The following MCF2 variants were observed in gnomAD, a reference collection of about 807,000 sequenced individuals.
The protein encoded by MCF2 is MCF.2 cell line derived transforming sequence, also known as proto-oncogene DBL.
MCF2 carries 44 observed loss-of-function variants against 82.5 expected under a neutral mutation model. The observed-to-expected ratio is 0.53, with a 90% CI of 0.42 to 0.69. The LOEUF (loss-of-function observed/expected upper bound fraction) is 0.69. Ranked by LOEUF, MCF2 falls within the 30% of genes least tolerant of loss-of-function variation. MCF2 has a pLI of 0.00. For missense variants in MCF2, 623 were observed against 663.1 expected, an observed-to-expected ratio of 0.94 and a Z score of 0.66; for synonymous variants, 217 against 224.9, an observed-to-expected ratio of 0.96 and a Z score of 0.32.
intron 2 of MCF2, among the ~76,000 whole-genome samples, chrX:139,649,427 A>G (rs1364165744): frequency 5.4e-5 from 6 of 111,819 alleles, no homozygotes; most frequent in Non-Finnish European, 1.1e-4. Context: ...AATATAAATG[A>G]TATGTAATAT....
Position 139,641,544 on chromosome X carries a change from A to AT in MCF2, c.51+923dup, listed in dbSNP as rs1212356051. ...TATCATAATTTTAATTCAAACTGTC[A>AT]TTTTTTTCCTATGGTCAATTTTTAC... On this transcript the variant is annotated intron_variant, in intron 1 of 24. Transcript: ENST00000370576. 5.4e-5 allele frequency among the ~76,000 whole-genome samples: 6 copies of AT among 110,233 alleles called. No homozygotes were observed. In the South Asian group the frequency reaches 1.1e-3, roughly 21 times the overall value.
intron 1 of MCF2, chrX:139,691,971 A>T (rs1569404131): frequency 8.6e-7 from 1 of 1,166,604 alleles, no homozygotes; most frequent in East Asian, 3.3e-5. Flanking sequence ...CTTCTCGGCA[A>T]TCCTCACGCG....
intron 8 of MCF2, 88 bp downstream of exon 11, chrX:139,617,425 G>T: frequency 1.5e-6 from 1 of 660,884 alleles, no homozygotes. Flanking sequence ...TATTCCATGC[G>T]ACAGGAGGGC....
At position 139,594,405 on chromosome X, in the gene MCF2, A is replaced by C. The variant is rs371020680; in HGVS notation, c.2277+2144T>G. ...ATAGATCAATGGAACAGAACAGAGC[A>C]CTCAGAAATAATGCCGCATATCTAC... is the stretch of plus-strand genomic sequence containing the variant. On this transcript the variant is annotated intron_variant, in intron 19 of 24. Coordinates refer to ENST00000370576, the Ensembl canonical transcript of MCF2. Among the ~76,000 whole-genome samples, 229 of 110,885 alleles carry C rather than the reference A, an allele frequency of 2.1e-3. 3 individuals are homozygous for C. Among genetic ancestry groups the C allele is most frequent in the African/African-American group, 6.9e-3 (210 of 30,360 alleles).
intron 6 of MCF2, among the ~76,000 whole-genome samples, chrX:139,622,812 C>T (rs1932502958): frequency 9.1e-6 from 1 of 109,996 alleles, no homozygotes; most frequent in South Asian, 4.0e-4. Context: ...AGCACACCAA[C>T]ATGGCACATG....
At chrX:139,656,749 C>T (rs1934213109) in intron 1 of MCF2, among the ~76,000 whole-genome samples, 1 of 112,042 alleles carries the variant, frequency 8.9e-6, no homozygotes, top group Admixed American at 9.5e-5. Context: ...CTGACCCTCT[C>T]GAATTTCCAC....
At chrX:139,602,280 T>A in intron 16 of MCF2, 126 bp downstream of exon 20, 1 of 533,127 alleles carries the variant, frequency 1.9e-6, no homozygotes, top group East Asian at 3.7e-5. Flanking sequence ...GAGGGTGGAT[T>A]TGCTCTTTAA....
intron 20 of MCF2, among the ~76,000 whole-genome samples, 158 bp from the exon 25 acceptor site, chrX:139,588,596 A>C (rs1182024778): frequency 1.8e-5 from 2 of 111,163 alleles, no homozygotes; most frequent in Non-Finnish European, 3.8e-5. Context: ...AATTTTTATG[A>C]AGCAAATAAT....
intron 19 of MCF2, among the ~76,000 whole-genome samples, chrX:139,595,369 C>T (rs1464170495): frequency 1.8e-5 from 2 of 109,653 alleles, no homozygotes; most frequent in African/African-American, 3.3e-5. Flanking sequence ...AAATGTGGCA[C>T]ATATACACCA....
At position 139,653,096 on chromosome X, in the gene MCF2, C is replaced by G. The variant is rs1019062661; in HGVS notation, c.-44-1308G>C. On this transcript the variant is annotated intron_variant, in intron 1 of 27. Transcript: ENST00000414978. ...TATTTAGACTCGATATATTTCAGAT[C>G]AAGGCATGCACATTTACACTCGCAG... Among the ~76,000 whole-genome samples, 4 of 111,721 alleles carry G rather than the reference C, an allele frequency of 3.6e-5. No homozygotes were observed. The East Asian group carries it at 1.1e-3, about 31-fold the overall frequency.
intron 19 of MCF2, among the ~76,000 whole-genome samples, chrX:139,595,373 T>A (rs1929967918): frequency 9.1e-6 from 1 of 109,608 alleles, no homozygotes; most frequent in African/African-American, 3.3e-5. Flanking sequence ...GTGGCACATA[T>A]ACACCATGGA....
exon 10 of MCF2, chrX:139,614,971 C>T (rs780816942): frequency 2.3e-5 from 28 of 1,209,470 alleles, no homozygotes; most frequent in Non-Finnish European, 2.9e-5. Context: ...TGCTTATCTG[C>T]CAGGTTCCTG....
At chrX:139,653,263 A>G (rs1603301025) in intron 1 of MCF2, among the ~76,000 whole-genome samples, 1 of 112,057 alleles carries the variant, frequency 8.9e-6, no homozygotes, top group East Asian at 2.8e-4. Context: ...ATACAAGAAC[A>G]CTTTCTCCCC....
chrX:139,586,404 G>T (rs764275180), exon 23 of MCF2: 1 of 1,208,331 alleles, frequency 8.3e-7, no homozygotes, highest in South Asian at 1.8e-5. Flanking sequence ...CTGAACTGAC[G>T]CAATTGCCTC....
At chrX:139,601,300 A>C (rs1930539510) in intron 16 of MCF2, among the ~76,000 whole-genome samples, 1 of 111,519 alleles carries the variant, frequency 9.0e-6, no homozygotes, top group African/African-American at 3.3e-5. Flanking sequence ...ATAATGGATA[A>C]AAATAGTGCC....
In MCF2 at chrX:139,674,888, A is replaced by G. The variant is rs772895116; in HGVS notation, c.-44-23100T>C. Among the ~76,000 whole-genome samples, 11 of 112,101 alleles carry G rather than the reference A, an allele frequency of 9.8e-5. No homozygotes were observed. In the South Asian group the frequency reaches 3.7e-3, roughly 38 times the overall value. ...TTGGCCTGCCTTGCTAGGTTGGGGA[A>G]GTTCTCCTGGATAATATCCCGAAGA... On this transcript the variant is annotated intron_variant, in intron 1 of 27. Coordinates refer to the MCF2 transcript ENST00000414978.
intron 1 of MCF2, 31 bp from the exon 2 acceptor site, chrX:139,651,819 T>C: frequency 3.3e-6 from 3 of 917,577 alleles, no homozygotes; most frequent in Non-Finnish European, 3.1e-6. Flanking sequence ...AGAAATGACA[T>C]ACATGTTAAG....
At chrX:139,626,657 G>A (rs377492032) in exon 5 of MCF2, 9 of 1,208,656 alleles carry the variant, frequency 7.4e-6, no homozygotes, top group South Asian at 5.3e-5. Flanking sequence ...CTTATTTGCC[G>A]ATGACATTCT....
At chrX:139,662,518 A>G (rs1015192249) in intron 1 of MCF2, among the ~76,000 whole-genome samples, 2 of 111,469 alleles carry the variant, frequency 1.8e-5, no homozygotes, top group South Asian at 7.6e-4. Flanking sequence ...AGACATAAAG[A>G]TCAATGGAAT....
Sources: gnomAD v4.1 joint callset for allele counts (sites outside exome capture counted in the v4.1 genomes callset) on GRCh38, gnomAD v4.1.1 for gene constraint, MANE v1.5 for transcripts, NCBI Gene and HGNC (gene_info 2026-07-23, HGNC 2026-07-21) for gene names.